The following SLIT3 variants were observed in gnomAD, a reference collection of about 807,000 sequenced individuals.
SLIT3 encodes the protein slit homolog 3 protein.
Under a neutral mutation model 184.0 loss-of-function variants are expected in SLIT3, and 68 were observed. The observed-to-expected ratio is 0.37, with a 90% CI of 0.30 to 0.45. SLIT3 has a LOEUF of 0.45. Among genes scored for constraint, SLIT3 ranks in the 20% least tolerant of loss-of-function variants. The pLI is 1.00. For missense variants in SLIT3, 1,707 were observed against 2,026.0 expected (o/e 0.84, Z 3.02); for synonymous variants, 831 against 828.6 (o/e 1.00, Z -0.05).
At chr5:168,920,986 C>T (rs11134552) in intron 4 of SLIT3, among the ~76,000 whole-genome samples, 55 of 152,232 alleles carry the variant, frequency 3.6e-4, no homozygotes, top group African/African-American at 1.2e-3. Context: ...TGCTCTGCTC[C>T]TTGAGCTGTC....
chr5:168,721,540 C>T (rs756363322), intron 23 of SLIT3, among the ~76,000 whole-genome samples: 15 of 152,086 alleles, frequency 9.9e-5, no homozygotes, highest in Non-Finnish European at 1.9e-4. Flanking sequence ...GAGAGTGGGC[C>T]GGCTGTGGAG....
intron 4 of SLIT3, among the ~76,000 whole-genome samples, chr5:168,975,067 G>A (rs886345115): frequency 6.6e-6 from 1 of 152,078 alleles, no homozygotes. Flanking sequence ...TTACCACAAG[G>A]GGCACACAGA....
chr5:168,963,404 T>A (rs1237108181), intron 4 of SLIT3, among the ~76,000 whole-genome samples: 1 of 152,192 alleles, frequency 6.6e-6, no homozygotes, highest in Non-Finnish European at 1.5e-5. Flanking sequence ...ACTCCTGACT[T>A]CAAGCATTCT....
chr5:169,206,764 A>T (rs916759283), intron 3 of SLIT3, among the ~76,000 whole-genome samples: 4 of 152,350 alleles, frequency 2.6e-5, no homozygotes, highest in Admixed American at 2.0e-4. Flanking sequence ...AGCAACAACA[A>T]AAAAAGTTCT....
At chr5:168,850,808 T>C (rs1206271928) in intron 5 of SLIT3, among the ~76,000 whole-genome samples, 5 of 152,192 alleles carry the variant, frequency 3.3e-5, no homozygotes, top group Admixed American at 6.5e-5. Flanking sequence ...TCCACTCCAG[T>C]AGATGCTCCT....
At chr5:168,868,352 G>A (rs12656558) in intron 5 of SLIT3, among the ~76,000 whole-genome samples, 1,942 of 152,258 alleles carry the variant, frequency 0.013, 20 homozygotes, top group East Asian at 0.047. Flanking sequence ...GTGCACTGGT[G>A]CCATCACGGC....
chr5:168,697,002 C>T (rs1471466435), intron 27 of SLIT3, among the ~76,000 whole-genome samples: 1 of 152,110 alleles, frequency 6.6e-6, no homozygotes, highest in African/African-American at 2.4e-5. Flanking sequence ...TGACCTTGAC[C>T]TGGGTGGTTG....
chr5:168,760,013 A>T (rs1755089288), intron 16 of SLIT3, among the ~76,000 whole-genome samples: 1 of 152,202 alleles, frequency 6.6e-6, no homozygotes, highest in South Asian at 2.1e-4. Context: ...GCCTCACACT[A>T]GCATGACTGC....
intron 6 of SLIT3, among the ~76,000 whole-genome samples, chr5:168,842,443 C>G (rs920718229): frequency 1.4e-5 from 2 of 144,260 alleles, no homozygotes; most frequent in Admixed American, 6.8e-5. Flanking sequence ...TTGGAGACAC[C>G]TGGTGCATCT....
intron 5 of SLIT3, among the ~76,000 whole-genome samples, chr5:168,853,862 G>A (rs12516521): frequency 0.14 from 21,882 of 152,054 alleles, 1,797 homozygotes; most frequent in East Asian, 0.25. Flanking sequence ...CCCCTACCCT[G>A]TTTGTGAAAT....
intron 3 of SLIT3, among the ~76,000 whole-genome samples, chr5:169,203,273 T>G (rs1460013028): frequency 1.3e-5 from 2 of 151,462 alleles, no homozygotes; most frequent in Non-Finnish European, 2.9e-5. Context: ...GGGTATATAT[T>G]AGTACACTAG....
Position 168,692,600 on chromosome 5 carries a change from G to C in SLIT3, c.3176+7C>G. The C allele has an allele frequency of 6.2e-7, 1 of 1,610,176 alleles. No homozygotes were observed. Among genetic ancestry groups the C allele is most frequent in the Non-Finnish European group, 8.5e-7 (1 of 1,176,744 alleles). ...CTCTGTGCTGGGGGCACGAAGCCAG[G>C]TCTTACCTGAATCCTTTGTCCAGGG... On this transcript the variant is annotated splice_region_variant and intron_variant, in intron 29 of 35. Transcript: ENST00000519560.
At chr5:168,673,092 A>G in intron 33 of SLIT3, 85 bp downstream of exon 33, 1 of 1,355,628 alleles carries the variant, frequency 7.4e-7, no homozygotes, top group Admixed American at 1.9e-5. Context: ...GCCTTCCCTG[A>G]TTGGCTTTGG....
At chr5:168,886,321 G>C (rs1423869415) in intron 4 of SLIT3, among the ~76,000 whole-genome samples, 2 of 152,100 alleles carry the variant, frequency 1.3e-5, no homozygotes, top group Non-Finnish European at 2.9e-5. Context: ...TTCAGGGCTG[G>C]GCGCTTCATT....
At chr5:169,196,133 CT>C (rs1390489796) in intron 3 of SLIT3, among the ~76,000 whole-genome samples, 9 of 149,522 alleles carry the variant, frequency 6.0e-5, no homozygotes, top group Non-Finnish European at 1.2e-4. Context: ...CCAGTATCTG[CT>C]TTTTGTGTGT....
At chr5:169,235,331 T>TA (rs35775789) in intron 3 of SLIT3, among the ~76,000 whole-genome samples, 2 of 152,210 alleles carry the variant, frequency 1.3e-5, no homozygotes, top group East Asian at 1.9e-4. Flanking sequence ...ATTTTTGGCA[T>TA]AAAAAACATT....
At chr5:169,203,030 G>T (rs1195917514) in intron 3 of SLIT3, among the ~76,000 whole-genome samples, 1 of 152,110 alleles carries the variant, frequency 6.6e-6, no homozygotes, top group East Asian at 1.9e-4. Flanking sequence ...GGGGGTGAGG[G>T]AGAAGATGGA....
rs562071785 is a variant in SLIT3, at chr5:168,665,288, G to A, written c.*1166C>T. On this transcript the variant is annotated 3_prime_UTR_variant, in exon 36 of 36. Transcript: ENST00000519560. The stretch of plus-strand genomic sequence containing the variant: ...ATTGGAAAGTGTCACAGATGGGCAA[G>A]GAGTCTCTATCGTCATGCTGGTGAC... 1.3e-5 allele frequency: 2 copies of A among 152,380 alleles called. No homozygotes were observed. The highest frequency in any genetic ancestry group is 4.8e-5 in the African/African-American group (2 of 41,554). 9.4% of individuals were successfully genotyped at this position (152,380 alleles called of 1,614,324 possible).
chr5:169,230,560 C>T (rs1028892411), intron 3 of SLIT3, among the ~76,000 whole-genome samples: 13 of 152,190 alleles, frequency 8.5e-5, no homozygotes, highest in African/African-American at 3.1e-4. Flanking sequence ...CATGGTTTTT[C>T]TGTTCTTTGG....
Sources: gnomAD v4.1 joint callset for allele counts (sites outside exome capture counted in the v4.1 genomes callset) on GRCh38, gnomAD v4.1.1 for gene constraint, MANE v1.5 for transcripts, NCBI Gene and HGNC (gene_info 2026-07-23, HGNC 2026-07-21) for gene names.